JADE3: variants seen among roughly 807,000 people sequenced by gnomAD.
JADE3 encodes the protein jade family PHD finger 3.
JADE3 carries 2 observed loss-of-function variants against 50.1 expected under a neutral mutation model. The ratio of observed to expected loss-of-function variants is 0.04; its 90% CI spans 0.02 to 0.13. The LOEUF is 0.13. Among genes scored for constraint, JADE3 ranks in the 10% least tolerant of loss-of-function variants. The pLI is 1.00. For missense variants in JADE3, 475 were observed against 634.4 expected (o/e 0.75, Z 2.70); for synonymous variants, 218 against 232.9 (o/e 0.94, Z 0.58).
At chrX:47,037,082 A>G (rs1929149134) in intron 7 of JADE3, among the ~76,000 whole-genome samples, 1 of 99,618 alleles carries the variant, frequency 1.0e-5, no homozygotes, top group African/African-American at 3.9e-5. Context: ...CACAATGTGC[A>G]CATGTACCCT....
At position 46,937,752 on chromosome X, in the gene JADE3, G is replaced by A. The variant is rs12014371; in HGVS notation, c.-12+25033G>A. Among the ~76,000 whole-genome samples the A allele has an allele frequency of 5.7e-3, 635 of 111,765 alleles. 5 individuals carry two copies. The highest frequency in any genetic ancestry group is 0.019 in the African/African-American group (589 of 30,762). ...TCCCAGCACTTTGGGAGGCCGAGGC[G>A]GGCAGATCACCTGAGGTCAGGAGTT... On this transcript the variant is annotated intron_variant, in intron 1 of 10. Coordinates refer to ENST00000614628, the MANE Select transcript of JADE3 (RefSeq NM_014735.5).
intron 1 of JADE3, among the ~76,000 whole-genome samples, chrX:46,975,714 CTTTTTTTTTT>C (rs782578317): frequency 7.4e-5 from 3 of 40,519 alleles, no homozygotes; most frequent in African/African-American, 2.2e-4. Flanking sequence ...TTTTCTTTTT[CTTTTTTTTTT>C]TTTTTTTTTT....
At chrX:46,961,082 G>A (rs1369982181) in intron 1 of JADE3, among the ~76,000 whole-genome samples, 1 of 111,407 alleles carries the variant, frequency 9.0e-6, no homozygotes, top group Non-Finnish European at 1.9e-5. Context: ...ATTTGTGAGG[G>A]GAGTTTGCTT....
chrX:46,999,947 T>C (rs1320364487), intron 4 of JADE3, among the ~76,000 whole-genome samples: 2 of 111,582 alleles, frequency 1.8e-5, no homozygotes, highest in Non-Finnish European at 3.8e-5. Flanking sequence ...GCAGATCTTA[T>C]TGTACACCCA....
chrX:47,010,439 G>A (rs1488174578), intron 4 of JADE3, among the ~76,000 whole-genome samples: 2 of 111,340 alleles, frequency 1.8e-5, no homozygotes, highest in Non-Finnish European at 3.8e-5. Context: ...TGTTGGTCAG[G>A]CTGGTCTCGA....
chrX:46,954,949 CCTT>C (rs1240115924), intron 1 of JADE3, among the ~76,000 whole-genome samples: 1 of 112,562 alleles, frequency 8.9e-6, no homozygotes, highest in African/African-American at 3.2e-5. Flanking sequence ...CAACTTATAA[CCTT>C]CTAGGCATAT....
chrX:47,023,667 G>A (rs912599366), intron 4 of JADE3, among the ~76,000 whole-genome samples: 4 of 112,374 alleles, frequency 3.6e-5, no homozygotes, highest in Admixed American at 1.9e-4. Flanking sequence ...CAGCGCTTTG[G>A]GAGGCCAAGG....
intron 1 of JADE3, among the ~76,000 whole-genome samples, chrX:46,934,032 T>C (rs1440455074): frequency 1.8e-5 from 2 of 112,316 alleles, no homozygotes; most frequent in Non-Finnish European, 3.8e-5. Context: ...TTTTCCCTAA[T>C]AGTCTGGGTA....
chrX:46,933,632 C>T (rs1193841146), intron 1 of JADE3, among the ~76,000 whole-genome samples: 3 of 111,485 alleles, frequency 2.7e-5, no homozygotes, highest in Non-Finnish European at 5.7e-5. Flanking sequence ...ATAGGGAATC[C>T]TCTGCAGAGG....
chrX:46,957,213 TTAGATAGATAGATAGA>T (rs61650300), intron 1 of JADE3, among the ~76,000 whole-genome samples: 2,723 of 98,540 alleles, frequency 0.028, 44 homozygotes, highest in Non-Finnish European at 0.04. Flanking sequence ...TTCAGATAGA[TTAGATAGATAGATAGA>T]TAGATAGATA....
At chrX:46,982,460 A>G (rs781788849) in intron 1 of JADE3, among the ~76,000 whole-genome samples, 21 of 111,567 alleles carry the variant, frequency 1.9e-4, no homozygotes, top group Non-Finnish European at 3.8e-4. Context: ...TAAATCTGAC[A>G]TGTGGTTGTA....
chrX:46,954,808 G>A (rs781877109), intron 1 of JADE3, among the ~76,000 whole-genome samples: 1 of 111,874 alleles, frequency 8.9e-6, no homozygotes, highest in African/African-American at 3.2e-5. Flanking sequence ...GCCCACCTTG[G>A]CCTCCCAAAG....
chrX:46,958,523 A>G (rs1447211002), intron 1 of JADE3, among the ~76,000 whole-genome samples: 2 of 111,137 alleles, frequency 1.8e-5, no homozygotes, highest in African/African-American at 6.5e-5. Context: ...ATTTTTTTTA[A>G]TCTATCAGCA....
At chrX:46,975,017 C>T (rs1022822181) in intron 1 of JADE3, among the ~76,000 whole-genome samples, 17 of 97,622 alleles carry the variant, frequency 1.7e-4, no homozygotes, top group African/African-American at 6.0e-4. Context: ...TTGTGATAAC[C>T]GATAAATGTC....
chrX:47,017,336 G>A (rs1190213933), intron 4 of JADE3, among the ~76,000 whole-genome samples: 3 of 111,914 alleles, frequency 2.7e-5, no homozygotes, highest in Non-Finnish European at 3.8e-5. Flanking sequence ...ATGTCTCTAG[G>A]TAGACTGAAG....
intron 3 of JADE3, 23 bp downstream of exon 3, chrX:46,985,815 T>C (rs1244324622): frequency 4.4e-5 from 47 of 1,057,659 alleles, no homozygotes; most frequent in Non-Finnish European, 5.9e-5. Context: ...TCTCAATTTT[T>C]AGACTTAAGC....
intron 1 of JADE3, among the ~76,000 whole-genome samples, chrX:46,971,108 A>ATTTTTTTTTTTTTTTTTTTTTTTTTTT (rs199889056): frequency 4.3e-5 from 2 of 46,028 alleles, no homozygotes; most frequent in African/African-American, 9.4e-5. Context: ...GGTAGTTGAA[A>ATTTTTTTTTTTTTTTTTTTTTTTTTTT]TTTTTTTTTT....
At chrX:47,054,071 C>A in intron 8 of JADE3, 87 bp from the exon 9 acceptor site, 1 of 612,802 alleles carries the variant, frequency 1.6e-6, no homozygotes, top group Non-Finnish European at 2.5e-6. Context: ...CTTTTGCTTC[C>A]TACAAGCTAT....
chrX:47,038,114 A>G (rs1929173632), intron 7 of JADE3, among the ~76,000 whole-genome samples: 1 of 112,113 alleles, frequency 8.9e-6, no homozygotes, highest in Non-Finnish European at 1.9e-5. Flanking sequence ...CGTTGTTGGA[A>G]ATGACAGGAT....
Sources: allele counts gnomAD v4.1 joint callset (sites outside exome capture counted in the v4.1 genomes callset), GRCh38; gene constraint gnomAD v4.1.1; transcripts MANE v1.5; gene names NCBI Gene and HGNC (gene_info 2026-07-23, HGNC 2026-07-21).